The following ANKRD33B variants were observed in gnomAD, a reference collection of about 807,000 sequenced individuals.
ANKRD33B encodes the protein ankyrin repeat domain-containing protein 33B.
ANKRD33B carries 6 observed loss-of-function variants against 21.5 expected under a neutral mutation model. The ratio of observed to expected loss-of-function variants is 0.28; its 90% CI spans 0.15 to 0.55. The LOEUF is 0.55. Among genes scored for constraint, ANKRD33B ranks in the 20% least tolerant of loss-of-function variants. ANKRD33B has a pLI of 0.94. For missense variants in ANKRD33B, 698 were observed against 747.2 expected (o/e 0.93, Z 0.77); for synonymous variants, 347 against 342.4 (o/e 1.01, Z -0.15).
At chr5:10,631,991 G>C (rs1736729291) in intron 2 of ANKRD33B, among the ~76,000 whole-genome samples, 1 of 152,148 alleles carries the variant, frequency 6.6e-6, no homozygotes, top group African/African-American at 2.4e-5. Flanking sequence ...GCTGGTTTCT[G>C]TTTAGACTTA....
intron 1 of ANKRD33B, 133 bp downstream of exon 1, chr5:10,564,966 T>G: frequency 8.0e-7 from 1 of 1,252,316 alleles, no homozygotes; most frequent in East Asian, 2.6e-5. Context: ...CCAGAGCGCC[T>G]TTTCCCCGCT....
chr5:10,638,316 T>C, intron 3 of ANKRD33B, 148 bp downstream of exon 3: 4 of 1,126,370 alleles, frequency 3.6e-6, no homozygotes, highest in Non-Finnish European at 4.9e-6. Context: ...CATATACTTC[T>C]GTAACTATCT....
At chr5:10,613,990 C>CGTGT (rs59864065) in intron 1 of ANKRD33B, among the ~76,000 whole-genome samples, 32,544 of 141,114 alleles carry the variant, frequency 0.23, 4,009 homozygotes, top group South Asian at 0.28. Flanking sequence ...CCAGAGAAAT[C>CGTGT]GTGTGTGTGT....
At chr5:10,639,591 T>C (rs1422671981) in intron 3 of ANKRD33B, among the ~76,000 whole-genome samples, 1 of 58,438 alleles carries the variant, frequency 1.7e-5, no homozygotes. Context: ...TGCGCGGCGA[T>C]GTTAGCGGGT....
intron 1 of ANKRD33B, among the ~76,000 whole-genome samples, chr5:10,599,977 A>C (rs1168064038): frequency 6.6e-6 from 1 of 152,238 alleles, no homozygotes; most frequent in Non-Finnish European, 1.5e-5. Flanking sequence ...GTTTCTTCAC[A>C]TCCTTACCAA....
Position 10,654,989 on chromosome 5 carries a change from A to G in ANKRD33B, c.*4876A>G, listed in dbSNP as rs1405824998. The G allele has an allele frequency of 6.6e-6, 1 of 152,422 alleles. No homozygotes were observed. Among genetic ancestry groups the G allele is most frequent in the African/African-American group, 2.4e-5 (1 of 41,458 alleles). The allele number at this position is 152,422 out of a possible 1,614,324, so 9.4% of individuals were successfully genotyped here. On this transcript the variant is annotated 3_prime_UTR_variant, in exon 4 of 4. Transcript: ENST00000296657. ...TCCTTCCTCTCAGGCTCCTCCTGAC[A>G]GACTCCTGGCAGCACTGGAGACCTC... is the stretch of plus-strand genomic sequence containing the variant.
intron 2 of ANKRD33B, among the ~76,000 whole-genome samples, chr5:10,620,055 G>A (rs1736384935): frequency 6.6e-6 from 1 of 152,102 alleles, no homozygotes; most frequent in Admixed American, 6.6e-5. Flanking sequence ...GAGAGATGAG[G>A]GAAGGATGGG....
chr5:10,568,423 A>G (rs764293348), intron 1 of ANKRD33B, among the ~76,000 whole-genome samples: 1 of 152,226 alleles, frequency 6.6e-6, no homozygotes, highest in Non-Finnish European at 1.5e-5. Context: ...TGTTGTTTTA[A>G]TTGTTGCAGA....
At chr5:10,633,095 CT>C (rs1207418194) in intron 2 of ANKRD33B, among the ~76,000 whole-genome samples, 2 of 132,968 alleles carry the variant, frequency 1.5e-5, no homozygotes, top group Non-Finnish European at 3.2e-5. Context: ...GCCAGTTCTC[CT>C]CTTTTTTTTT....
intron 2 of ANKRD33B, among the ~76,000 whole-genome samples, chr5:10,621,677 G>T (rs923652847): frequency 2.6e-5 from 4 of 152,200 alleles, no homozygotes; most frequent in Non-Finnish European, 4.4e-5. Context: ...GGCACATAGA[G>T]GCAATCACAA....
chr5:10,616,674 G>A (rs1392734885), intron 1 of ANKRD33B, among the ~76,000 whole-genome samples: 1 of 152,022 alleles, frequency 6.6e-6, no homozygotes, highest in East Asian at 1.9e-4. Context: ...GCAGTGCCAA[G>A]AGTGACACTT....
intron 1 of ANKRD33B, among the ~76,000 whole-genome samples, chr5:10,569,251 C>T (rs967854438): frequency 6.6e-6 from 1 of 152,174 alleles, no homozygotes; most frequent in Non-Finnish European, 1.5e-5. Flanking sequence ...ATTCTGGCCT[C>T]AGGCCTCTGT....
intron 2 of ANKRD33B, among the ~76,000 whole-genome samples, chr5:10,623,508 C>G (rs1378740256): frequency 6.6e-6 from 1 of 152,210 alleles, no homozygotes; most frequent in Non-Finnish European, 1.5e-5. Context: ...AATCCCACCA[C>G]GAGGACCCCT....
chr5:10,586,642 G>T (rs1417184520), intron 1 of ANKRD33B, among the ~76,000 whole-genome samples: 1 of 152,054 alleles, frequency 6.6e-6, no homozygotes, highest in Admixed American at 6.6e-5. Flanking sequence ...TTGCTGTGTG[G>T]CATCTTAATG....
In ANKRD33B at chr5:10,618,569, C is replaced by G; in HGVS notation, c.496+107C>G. On this transcript the variant is annotated intron_variant, in intron 2 of 3. Transcript: ENST00000296657. ...AGTCAGGATGGAAATGATCAGAGACCATGTCCTGCTACCAAGGGGTGCCAG... is the reference window on the plus strand; with the variant it reads ...AGTCAGGATGGAAATGATCAGAGACGATGTCCTGCTACCAAGGGGTGCCAG... 3 of 1,392,680 alleles carry G rather than the reference C, an allele frequency of 2.2e-6. No homozygotes were observed. In the South Asian group the frequency reaches 4.5e-5, roughly 21 times the overall value. 86.3% of individuals were successfully genotyped at this position (1,392,680 alleles called of 1,614,324 possible).
intron 1 of ANKRD33B, among the ~76,000 whole-genome samples, chr5:10,582,791 G>T (rs1459084000): frequency 6.6e-6 from 1 of 152,168 alleles, no homozygotes; most frequent in Non-Finnish European, 1.5e-5. Flanking sequence ...TTGCCGCATG[G>T]CTTCCCCGAC....
At position 10,637,425 on chromosome 5, in the gene ANKRD33B, G is replaced by GACACACACACACACACAC. The variant is rs59222148; in HGVS notation, c.497-582_497-565dup. Among the ~76,000 whole-genome samples, 378 of 100,382 alleles carry GACACACACACACACACAC rather than the reference G, an allele frequency of 3.8e-3. 10 individuals carry two copies. Among genetic ancestry groups the GACACACACACACACACAC allele is most frequent in the African/African-American group, 9.3e-3 (215 of 23,008 alleles). 65.9% of individuals were successfully genotyped at this position (100,382 alleles called of 152,430 possible). A position where few individuals can be genotyped will look rare whatever the true frequency, so the allele number is the denominator to read the frequency against. On this transcript the variant is annotated intron_variant, in intron 2 of 3. Transcript: ENST00000296657. ...GGATGTGTGTGGGCGTAGGTAGTTA[G>GACACACACACACACACAC]ACACACACACACACACACACACACA... is the stretch of plus-strand genomic sequence containing the variant.
Position 10,657,636 on chromosome 5 carries a change from A to T in ANKRD33B, c.*7523A>T, listed in dbSNP as rs1737523649. The T allele has an allele frequency of 6.6e-6, 1 of 152,330 alleles. No individual in the cohort carries two copies. Among genetic ancestry groups the T allele is most frequent in the Non-Finnish European group, 1.5e-5 (1 of 68,040 alleles). The allele number at this position is 152,330 out of a possible 1,614,324, so 9.4% of individuals were successfully genotyped here. On this transcript the variant is annotated 3_prime_UTR_variant, in exon 4 of 4. Coordinates refer to ENST00000296657, the MANE Select transcript of ANKRD33B (RefSeq NM_001164440.2). ...ATTCCCAGCAGCTTCAATTTTTGAT[A>T]TTCAAAAAGTTAATAATCTTTAAGC...
chr5:10,589,098 C>T (rs750160263), intron 1 of ANKRD33B, among the ~76,000 whole-genome samples: 8 of 152,150 alleles, frequency 5.3e-5, no homozygotes, highest in Non-Finnish European at 1.0e-4. Flanking sequence ...CCTCGGGAAC[C>T]TGATAAGGTA....
Sources: gnomAD v4.1 joint callset for allele counts (sites outside exome capture counted in the v4.1 genomes callset) on GRCh38, gnomAD v4.1.1 for gene constraint, MANE v1.5 for transcripts, NCBI Gene and HGNC (gene_info 2026-07-23, HGNC 2026-07-21) for gene names.